Variants in RBM20 observed in about 807,000 individuals in gnomAD.
The protein encoded by RBM20 is RNA-binding protein 20.
RBM20 carries 51 observed loss-of-function variants against 110.1 expected under a neutral mutation model. The ratio of observed to expected loss-of-function variants is 0.46; its 90% CI spans 0.37 to 0.59. The LOEUF is 0.59. Among genes scored for constraint, RBM20 ranks in the 20% least tolerant of loss-of-function variants. RBM20 has a pLI of 0.00. For missense variants in RBM20, 1,512 were observed against 1,574.9 expected, an observed-to-expected ratio of 0.96 and a Z score of 0.68; for synonymous variants, 589 against 618.2, an observed-to-expected ratio of 0.95 and a Z score of 0.70.
At chr10:110,766,839 G>C (rs1293244252) in intron 1 of RBM20, among the ~76,000 whole-genome samples, 2 of 150,874 alleles carry the variant, frequency 1.3e-5, no homozygotes, top group African/African-American at 4.9e-5. Context: ...TGAGCTGTTG[G>C]GTACACCTCC....
chr10:110,763,194 G>A (rs556968498), intron 1 of RBM20, among the ~76,000 whole-genome samples: 43 of 152,284 alleles, frequency 2.8e-4, no homozygotes, highest in African/African-American at 9.6e-4. Context: ...AAACATATCC[G>A]ACTGGCTTTC....
intron 1 of RBM20, among the ~76,000 whole-genome samples, chr10:110,677,813 C>T (rs986289072): frequency 2.0e-5 from 3 of 152,152 alleles, no homozygotes; most frequent in African/African-American, 7.2e-5. Flanking sequence ...TTGTAGACAT[C>T]TCTCTAAAAA....
intron 1 of RBM20, among the ~76,000 whole-genome samples, chr10:110,682,780 T>C (rs1862441980): frequency 6.6e-6 from 1 of 152,252 alleles, no homozygotes. Context: ...GGGGAGCTAC[T>C]GTAGGATTAT....
At chr10:110,680,222 G>T (rs1324047039) in intron 1 of RBM20, among the ~76,000 whole-genome samples, 1 of 152,130 alleles carries the variant, frequency 6.6e-6, no homozygotes, top group South Asian at 2.1e-4. Context: ...AGTTTGGAGT[G>T]GGTGGTGGGT....
intron 1 of RBM20, among the ~76,000 whole-genome samples, chr10:110,666,633 G>A (rs901010044): frequency 2.0e-5 from 3 of 152,090 alleles, no homozygotes; most frequent in Non-Finnish European, 4.4e-5. Context: ...GTGACAGAGA[G>A]AGACCCTGTC....
At chr10:110,738,328 G>T (rs1843692786) in intron 1 of RBM20, among the ~76,000 whole-genome samples, 1 of 152,188 alleles carries the variant, frequency 6.6e-6, no homozygotes, top group Admixed American at 6.5e-5. Flanking sequence ...CTGCTTACAG[G>T]CTGGGGCAAT....
chr10:110,826,417 C>A (rs1356513017), intron 12 of RBM20, among the ~76,000 whole-genome samples: 1 of 152,118 alleles, frequency 6.6e-6, no homozygotes, highest in African/African-American at 2.4e-5. Context: ...CACAGTGCAA[C>A]CCCCAGGTAA....
intron 1 of RBM20, among the ~76,000 whole-genome samples, chr10:110,738,936 G>A (rs545616189): frequency 3.3e-5 from 5 of 152,276 alleles, no homozygotes; most frequent in Non-Finnish European, 5.9e-5. Flanking sequence ...TTGCAGATTC[G>A]TATCACAGCA....
chr10:110,794,554 G>T (rs1173638479), intron 5 of RBM20, among the ~76,000 whole-genome samples: 1 of 152,140 alleles, frequency 6.6e-6, no homozygotes, highest in African/African-American at 2.4e-5. Context: ...TCAGCCTGAG[G>T]GATCAATATC....
At chr10:110,780,081 G>A (rs922284191) in intron 1 of RBM20, among the ~76,000 whole-genome samples, 11 of 152,106 alleles carry the variant, frequency 7.2e-5, no homozygotes, top group Non-Finnish European at 1.5e-4. Context: ...GGGGGAGCAC[G>A]TAACCAAGGG....
chr10:110,658,637 CCTT>C (rs1303674995), intron 1 of RBM20, among the ~76,000 whole-genome samples: 3 of 152,122 alleles, frequency 2.0e-5, no homozygotes, highest in Non-Finnish European at 2.9e-5. Context: ...GGGCTCCACT[CCTT>C]CTTTCTCTGC....
intron 9 of RBM20, 101 bp from the exon 10 acceptor site, chr10:110,819,958 GCTGTATGTGAAAC>G (rs577745172): frequency 4.7e-4 from 281 of 596,728 alleles, no homozygotes; most frequent in Admixed American, 1.7e-3. Flanking sequence ...TAAAGGAAAT[GCTGTATGTGAAAC>G]CTATCTGAGA....
chr10:110,656,768 C>T (rs996814696), intron 1 of RBM20, among the ~76,000 whole-genome samples: 3 of 152,186 alleles, frequency 2.0e-5, no homozygotes, highest in South Asian at 2.1e-4. Context: ...ATCATGCTTT[C>T]AAGGTTCATC....
intron 1 of RBM20, among the ~76,000 whole-genome samples, chr10:110,726,464 A>G (rs10885027): frequency 0.28 from 42,245 of 152,058 alleles, 7,465 homozygotes; most frequent in East Asian, 0.65. Flanking sequence ...TCTGCACCCA[A>G]TGAGAGTTTC....
At chr10:110,806,506 C>T (rs775837176) in intron 7 of RBM20, among the ~76,000 whole-genome samples, 3 of 152,046 alleles carry the variant, frequency 2.0e-5, no homozygotes, top group East Asian at 1.9e-4. Context: ...AACTCTGTCA[C>T]GAGAGTAGTA....
chr10:110,778,567 G>A (rs1247403024), intron 1 of RBM20, among the ~76,000 whole-genome samples: 2 of 152,200 alleles, frequency 1.3e-5, no homozygotes, highest in Admixed American at 6.5e-5. Context: ...GTTGTGCAGT[G>A]TCTACCCTGT....
chr10:110,820,045 G>T (rs759642770), intron 9 of RBM20, 27 bp from the exon 10 acceptor site: 2 of 1,450,448 alleles, frequency 1.4e-6, no homozygotes, highest in African/African-American at 1.4e-5. Flanking sequence ...CTGTTGATTT[G>T]GTTTGCTCTG....
intron 13 of RBM20, among the ~76,000 whole-genome samples, chr10:110,831,858 A>G (rs1431353853): frequency 2.6e-5 from 4 of 152,242 alleles, no homozygotes; most frequent in South Asian, 2.1e-4. Context: ...GTGACAAGCA[A>G]TAAATGAAAT....
Position 110,737,193 on chromosome 10 carries a change from A to ACAAAAAC in RBM20, c.192-43608_192-43607insCAAAAAC, listed in dbSNP as rs1554894301. Among the ~76,000 whole-genome samples, 390 of 116,510 alleles carry ACAAAAAC rather than the reference A, an allele frequency of 3.3e-3. 22 individuals are homozygous for ACAAAAAC. The highest frequency in any genetic ancestry group is 5.2e-3 in the Non-Finnish European group (303 of 58,082). 76.4% of individuals were successfully genotyped at this position (116,510 alleles called of 152,430 possible). A position where few individuals can be genotyped will look rare whatever the true frequency, so the allele number is the denominator to read the frequency against. ...ACTCTGCCTCAAAAAAAAAAAAAAA[A>ACAAAAAC]AAAACACCCCACACACACACTCAAA... On this transcript the variant is annotated intron_variant, in intron 1 of 13. Transcript: ENST00000369519.
Sources: gnomAD v4.1 joint callset for allele counts (sites outside exome capture counted in the v4.1 genomes callset) on GRCh38, gnomAD v4.1.1 for gene constraint, MANE v1.5 for transcripts, NCBI Gene and HGNC (gene_info 2026-07-23, HGNC 2026-07-21) for gene names.